Variants in ECPAS observed in about 807,000 individuals in gnomAD.
The protein encoded by ECPAS is proteasome adapter and scaffold protein ECM29.
Under a neutral mutation model 255.1 loss-of-function variants are expected in ECPAS, and 70 were observed. The observed-to-expected ratio is 0.27, with a 90% CI of 0.23 to 0.33. ECPAS has a LOEUF of 0.33. Among genes scored for constraint, ECPAS ranks in the 10% least tolerant of loss-of-function variants. The pLI is 1.00. For synonymous variants in ECPAS, 784 were observed against 775.0 expected, an observed-to-expected ratio of 1.01 and a Z score of -0.19; for missense variants, 1,817 against 2,206.4, an observed-to-expected ratio of 0.82 and a Z score of 3.54.
chr9:111,453,299 TGAAAGAAC>T (rs550925047), intron 2 of ECPAS, among the ~76,000 whole-genome samples: 542 of 152,016 alleles, frequency 3.6e-3, no homozygotes, highest in African/African-American at 0.013. Flanking sequence ...GGAACCAACC[TGAAAGAAC>T]GTCATTGCCC....
intron 6 of ECPAS, among the ~76,000 whole-genome samples, chr9:111,439,650 G>A (rs1054316559): frequency 1.3e-5 from 2 of 152,180 alleles, no homozygotes; most frequent in South Asian, 2.1e-4. Flanking sequence ...ACAGAAAGGC[G>A]TTCTCTTAAA....
At chr9:111,482,242 T>A (rs1331888880) in intron 1 of ECPAS, among the ~76,000 whole-genome samples, 1 of 152,168 alleles carries the variant, frequency 6.6e-6, no homozygotes, top group East Asian at 1.9e-4. Context: ...CCTTGTCTCC[T>A]CCGACTCTCC....
chr9:111,392,735 G>A, intron 28 of ECPAS, 33 bp downstream of exon 28: 1 of 1,418,124 alleles, frequency 7.1e-7, no homozygotes, highest in Non-Finnish European at 9.9e-7. Flanking sequence ...TTCCTCTATG[G>A]GCTTGAATCT....
At chr9:111,458,605 T>C (rs1027307971) in intron 2 of ECPAS, among the ~76,000 whole-genome samples, 24 of 143,744 alleles carry the variant, frequency 1.7e-4, no homozygotes, top group African/African-American at 6.1e-4. Context: ...GCCAGGTGAT[T>C]AGGGGAGGTG....
Position 111,484,237 on chromosome 9 carries a change from C to T in ECPAS, c.-204G>A. ...GCCGCGCGCCGCAGTCCGTGAGGGG[C>T]TGGGCCGAGCGGGCCCGGGCTGCCC... On this transcript the variant is annotated 5_prime_UTR_variant, in exon 1 of 50. Coordinates refer to ENST00000684092, the MANE Select transcript of ECPAS (RefSeq NM_001364929.1). The T allele has an allele frequency of 6.8e-7, 1 of 1,475,310 alleles. No homozygotes were observed. Among genetic ancestry groups the T allele is most frequent in the Middle Eastern group, 2.2e-4 (1 of 4,526 alleles). 91.4% of individuals were successfully genotyped at this position (1,475,310 alleles called of 1,614,324 possible). A position where few individuals can be genotyped will look rare whatever the true frequency, so the allele number is the denominator to read the frequency against.
rs1386041769 is a variant in ECPAS at position 111,408,639 on chromosome 9, A to T, written c.2584T>A (p.Phe862Ile). Reference protein sequence around the residue: ...KERAIQTLGYFPVGDGDFPHQ... With the variant: ...KERAIQTLGYIPVGDGDFPHQ... ...GGAAAATCTCCATCCCCAACTGGAAAATATCCCAGTGTTTGGATTGCTCGT... is the reference window on the plus strand; with the variant it reads ...GGAAAATCTCCATCCCCAACTGGAATATATCCCAGTGTTTGGATTGCTCGT... The change falls in exon 24 of 50, where the codon TTT (phenylalanine) becomes ATT (isoleucine). Residue 862 changes from phenylalanine to isoleucine, a missense_variant. By Grantham distance (21) the Phe-to-Ile change is conservative (BLOSUM62 0). Transcript: ENST00000684092. 6.3e-7 allele frequency: 1 copy of T among 1,592,196 alleles called. No homozygotes were observed. Among genetic ancestry groups the T allele is most frequent in the Non-Finnish European group, 8.5e-7 (1 of 1,169,642 alleles).
intron 46 of ECPAS, among the ~76,000 whole-genome samples, chr9:111,367,012 G>A (rs1328731813): frequency 6.6e-6 from 1 of 152,128 alleles, no homozygotes; most frequent in Non-Finnish European, 1.5e-5. Context: ...CTGAATGACA[G>A]CCACAGAAAG....
rs2098279834 is a variant in ECPAS, at chr9:111,466,592, C to A, written c.22+6305G>T. On this transcript the variant is annotated intron_variant, in intron 2 of 49. Coordinates refer to ENST00000684092, the MANE Select transcript of ECPAS (RefSeq NM_001364929.1). ...ACATTCTTGTAGGAGGAAAAAAAATCTACTAAAAATATAAATAACTAAATA... is the reference window on the plus strand; with the variant it reads ...ACATTCTTGTAGGAGGAAAAAAAATATACTAAAAATATAAATAACTAAATA... Among the ~76,000 whole-genome samples the A allele has an allele frequency of 2.0e-5, 3 of 149,840 alleles. No individual in the cohort carries two copies. In the South Asian group the frequency reaches 6.3e-4, roughly 32 times the overall value.
At chr9:111,473,300 G>A (rs2098291578) in intron 1 of ECPAS, among the ~76,000 whole-genome samples, 1 of 152,096 alleles carries the variant, frequency 6.6e-6, no homozygotes, top group Non-Finnish European at 1.5e-5. Flanking sequence ...GTATATGTGT[G>A]TATATATATC....
intron 23 of ECPAS, 52 bp from the exon 24 acceptor site, chr9:111,408,724 C>T: frequency 9.2e-7 from 1 of 1,083,364 alleles, no homozygotes; most frequent in Non-Finnish European, 1.3e-6. Context: ...AATAGCTTTA[C>T]CCCAGTGCAG....
intron 20 of ECPAS, among the ~76,000 whole-genome samples, chr9:111,412,809 C>T (rs1034254592): frequency 1.3e-5 from 2 of 152,178 alleles, no homozygotes; most frequent in East Asian, 1.9e-4. Flanking sequence ...GCAAAACTCA[C>T]ACCTCCTGGC....
At chr9:111,396,202 T>A (rs2098167407) in intron 25 of ECPAS, among the ~76,000 whole-genome samples, 1 of 152,240 alleles carries the variant, frequency 6.6e-6, no homozygotes, top group Admixed American at 6.5e-5. Flanking sequence ...AATTTTTTTT[T>A]ATTCTAGCTC....
At chr9:111,406,925 A>C (rs917371379) in intron 24 of ECPAS, among the ~76,000 whole-genome samples, 39 of 148,658 alleles carry the variant, frequency 2.6e-4, no homozygotes, top group Non-Finnish European at 3.5e-4. Flanking sequence ...AACCAAAAAA[A>C]CCTTCAGCAC....
chr9:111,483,835 C>A, intron 1 of ECPAS: 1 of 277,800 alleles, frequency 3.6e-6, no homozygotes, highest in South Asian at 1.2e-4. Context: ...GCGCCAGGCC[C>A]GCGCGGCGGC....
intron 10 of ECPAS, among the ~76,000 whole-genome samples, chr9:111,426,626 C>T (rs1268329314): frequency 6.7e-6 from 1 of 148,874 alleles, no homozygotes; most frequent in East Asian, 2.0e-4. Flanking sequence ...GAGGCTAGGA[C>T]GGGAGGATCA....
intron 2 of ECPAS, among the ~76,000 whole-genome samples, chr9:111,471,296 C>T (rs1195154249): frequency 6.6e-6 from 1 of 152,130 alleles, no homozygotes; most frequent in Non-Finnish European, 1.5e-5. Context: ...ACAATTCTTC[C>T]CATCTCCCAA....
chr9:111,482,683 G>T (rs969248013), intron 1 of ECPAS, among the ~76,000 whole-genome samples: 6 of 151,952 alleles, frequency 3.9e-5, no homozygotes, highest in Non-Finnish European at 8.8e-5. Context: ...GAAAACCCTT[G>T]GGGGGGAGAA....
chr9:111,482,737 T>C (rs577987018), intron 1 of ECPAS, among the ~76,000 whole-genome samples: 1 of 152,194 alleles, frequency 6.6e-6, no homozygotes, highest in Non-Finnish European at 1.5e-5. Flanking sequence ...TCCTATGTCC[T>C]ATGAAACTTC....
At chr9:111,469,062 C>T (rs1404512301) in intron 2 of ECPAS, among the ~76,000 whole-genome samples, 2 of 152,200 alleles carry the variant, frequency 1.3e-5, no homozygotes, top group African/African-American at 4.8e-5. Flanking sequence ...CCAAATGAGG[C>T]CAGCAGGATG....
Sources: allele counts gnomAD v4.1 joint callset (sites outside exome capture counted in the v4.1 genomes callset), GRCh38; gene constraint gnomAD v4.1.1; transcripts MANE v1.5; gene names NCBI Gene and HGNC (gene_info 2026-07-23, HGNC 2026-07-21).